The following SASH1 variants were observed in gnomAD, a reference collection of about 807,000 sequenced individuals.
The protein encoded by SASH1 is SAM and SH3 domain-containing protein 1.
SASH1 carries 44 observed loss-of-function variants against 125.2 expected under a neutral mutation model. That is an observed-to-expected ratio of 0.35 (90% CI 0.28 to 0.45). The LOEUF is 0.45. Ranked by LOEUF, SASH1 falls within the 20% of genes least tolerant of loss-of-function variation. The pLI is 1.00. For synonymous variants in SASH1, 639 were observed against 649.1 expected, an observed-to-expected ratio of 0.98 and a Z score of 0.24; for missense variants, 1,426 against 1,614.5, an observed-to-expected ratio of 0.88 and a Z score of 2.00.
chr6:148,362,015 G>C (rs558685051), intron 1 of SASH1, among the ~76,000 whole-genome samples: 1 of 147,982 alleles, frequency 6.8e-6, no homozygotes, highest in Admixed American at 6.9e-5. Flanking sequence ...CCGGGTTCAT[G>C]CCATTCTCCT....
intron 1 of SASH1, among the ~76,000 whole-genome samples, chr6:148,376,586 A>G (rs1201996906): frequency 6.6e-6 from 1 of 152,096 alleles, no homozygotes; most frequent in East Asian, 1.9e-4. Flanking sequence ...ACCAGGCCAT[A>G]TATGGTGCCT....
chr6:148,456,396 A>C (rs192634331), intron 4 of SASH1, among the ~76,000 whole-genome samples: 75 of 152,324 alleles, frequency 4.9e-4, no homozygotes, highest in African/African-American at 1.7e-3. Flanking sequence ...TCACGCAAAC[A>C]GAGGGCCAGA....
chr6:148,463,107 C>A (rs921766938), intron 4 of SASH1, among the ~76,000 whole-genome samples: 1 of 152,008 alleles, frequency 6.6e-6, no homozygotes, highest in East Asian at 1.9e-4. Flanking sequence ...AATATGGCAA[C>A]CTAGAGTTTC....
At chr6:148,451,904 A>G (rs9377137) in intron 4 of SASH1, among the ~76,000 whole-genome samples, 80,221 of 151,796 alleles carry the variant, frequency 0.53, 21,592 homozygotes, top group East Asian at 0.7. Context: ...TGTAGGGTGG[A>G]GACACCCATG....
At chr6:148,542,789 A>G (rs953478208) in intron 17 of SASH1, among the ~76,000 whole-genome samples, 3 of 152,354 alleles carry the variant, frequency 2.0e-5, no homozygotes, top group African/African-American at 7.2e-5. Context: ...TGTGGAACAT[A>G]CAGGTGGACA....
intron 1 of SASH1, among the ~76,000 whole-genome samples, chr6:148,284,329 C>T (rs542024306): frequency 3.9e-5 from 6 of 152,182 alleles, no homozygotes; most frequent in African/African-American, 1.4e-4. Context: ...GTCCCAGCTA[C>T]TCAGGAGGCT....
chr6:148,256,425 CTTCTTAAATATGTGTA>C, the SASH1 span, among the ~76,000 whole-genome samples: 1 of 152,104 alleles, frequency 6.6e-6, no homozygotes, highest in Non-Finnish European at 1.5e-5. Context: ...TTTACAGTAT[CTTCTTAAATATGTGTA>C]TTCTTAAATA....
chr6:148,334,745 G>A (rs2114610595), intron 1 of SASH1, among the ~76,000 whole-genome samples: 1 of 151,812 alleles, frequency 6.6e-6, no homozygotes, highest in African/African-American at 2.4e-5. Flanking sequence ...CCAGGAAGCA[G>A]AGGTTGCAGT....
At chr6:148,522,985 T>TATC (rs1030452110) in intron 10 of SASH1, among the ~76,000 whole-genome samples, 2 of 152,266 alleles carry the variant, frequency 1.3e-5, no homozygotes, top group Non-Finnish European at 2.9e-5. Context: ...TATCTTAGCC[T>TATC]ATCACTGAAA....
At chr6:148,490,245 G>A (rs1389795839) in intron 8 of SASH1, among the ~76,000 whole-genome samples, 1 of 151,218 alleles carries the variant, frequency 6.6e-6, no homozygotes, top group Admixed American at 6.6e-5. Context: ...GTATTGCTCT[G>A]TCACCCAGGC....
At chr6:148,359,593 T>C (rs1267392729) in intron 1 of SASH1, among the ~76,000 whole-genome samples, 1 of 152,140 alleles carries the variant, frequency 6.6e-6, no homozygotes, top group Non-Finnish European at 1.5e-5. Flanking sequence ...TTTTGGGTAT[T>C]CCATAAACTT....
the SASH1 span, among the ~76,000 whole-genome samples, chr6:148,215,885 CCTTG>C: frequency 1.3e-5 from 2 of 151,944 alleles, no homozygotes; most frequent in Non-Finnish European, 2.9e-5. Flanking sequence ...TGAGAAAGAG[CCTTG>C]CCCTGTCGCC....
intron 1 of SASH1, among the ~76,000 whole-genome samples, chr6:148,359,657 G>T (rs1782111629): frequency 6.6e-6 from 1 of 152,152 alleles, no homozygotes; most frequent in East Asian, 1.9e-4. Flanking sequence ...TTTGAAAGAG[G>T]TTCTGCTGTG....
intron 1 of SASH1, among the ~76,000 whole-genome samples, chr6:148,292,430 G>GT (rs1249261369): frequency 6.6e-5 from 10 of 152,148 alleles, no homozygotes. Context: ...AAATGGGATT[G>GT]TTTTTGGGAT....
chr6:148,446,360 G>C (rs551053623), intron 4 of SASH1, among the ~76,000 whole-genome samples: 1 of 151,980 alleles, frequency 6.6e-6, no homozygotes, highest in Non-Finnish European at 1.5e-5. Flanking sequence ...CGCCCGCCTT[G>C]GCCTCCTAAA....
chr6:148,545,788 C>T (rs1306113992), intron 18 of SASH1, among the ~76,000 whole-genome samples: 6 of 152,310 alleles, frequency 3.9e-5, no homozygotes, highest in African/African-American at 1.4e-4. Flanking sequence ...CAAATTCAAA[C>T]TTTTGGGTTG....
intron 4 of SASH1, among the ~76,000 whole-genome samples, chr6:148,459,330 C>T (rs999828710): frequency 3.3e-5 from 5 of 152,304 alleles, no homozygotes; most frequent in African/African-American, 7.2e-5. Flanking sequence ...AAGCCCACAT[C>T]GCTCCTGCAC....
chr6:148,479,495 A>G (rs1164416168), intron 7 of SASH1: 3 of 171,928 alleles, frequency 1.7e-5, no homozygotes, highest in African/African-American at 7.2e-5. Flanking sequence ...AGTAGCCTTA[A>G]AGTAGCCCAC....
the SASH1 span, among the ~76,000 whole-genome samples, chr6:148,254,917 T>A: frequency 1.1e-4 from 17 of 152,182 alleles, 1 homozygote; most frequent in Admixed American, 7.9e-4. Context: ...ATGTTCATAG[T>A]AACATTATTC....
Sources: gnomAD v4.1 joint callset for allele counts (sites outside exome capture counted in the v4.1 genomes callset) on GRCh38, gnomAD v4.1.1 for gene constraint, MANE v1.5 for transcripts, NCBI Gene and HGNC (gene_info 2026-07-23, HGNC 2026-07-21) for gene names.